Variants in HPSE2 observed in about 807,000 individuals in gnomAD.
HPSE2 encodes inactive heparanase-2.
In HPSE2, 38 loss-of-function variants were observed where a neutral mutation model predicts 60.5. That is an observed-to-expected ratio of 0.63 (90% CI 0.48 to 0.82). The LOEUF is 0.82. Ranked by LOEUF, HPSE2 falls within the 40% of genes least tolerant of loss-of-function variation. HPSE2 has a pLI of 0.00. For synonymous variants in HPSE2, 295 were observed against 293.2 expected, an observed-to-expected ratio of 1.01 and a Z score of -0.06; for missense variants, 713 against 740.4, an observed-to-expected ratio of 0.96 and a Z score of 0.43.
intron 3 of HPSE2, among the ~76,000 whole-genome samples, chr10:99,080,716 T>C (rs1253708381): frequency 1.3e-5 from 2 of 152,206 alleles, no homozygotes; most frequent in Non-Finnish European, 2.9e-5. Context: ...TCAGAAGCCA[T>C]CATTCAAGTG....
At chr10:99,113,837 A>C (rs1844569191) in intron 3 of HPSE2, among the ~76,000 whole-genome samples, 1 of 151,948 alleles carries the variant, frequency 6.6e-6, no homozygotes, top group South Asian at 2.1e-4. Context: ...GAAGTAATTT[A>C]GGTTTTTTTT....
chr10:98,729,184 T>A (rs764688547), intron 4 of HPSE2, among the ~76,000 whole-genome samples: 171 of 152,024 alleles, frequency 1.1e-3, no homozygotes, highest in South Asian at 3.7e-3. Context: ...CAATCTCAAA[T>A]AATGGAAATG....
In HPSE2 at chr10:98,492,703, G is replaced by A. The variant is rs139154138; in HGVS notation, c.1321-2507C>T. 2.8e-3 allele frequency among the ~76,000 whole-genome samples: 431 copies of A among 152,232 alleles called. 3 individuals are homozygous for A. Among genetic ancestry groups the A allele is most frequent in the Middle Eastern group, 0.01 (3 of 294 alleles). On this transcript the variant is annotated intron_variant, in intron 9 of 11. Coordinates refer to ENST00000370552, the MANE Select transcript of HPSE2 (RefSeq NM_021828.5). ...AATGCCATGTCACTCTCTAAAAAAG[G>A]AGATGAGGATACCTGGGTAAAACTC...
chr10:99,007,991 A>G (rs1422896640), intron 3 of HPSE2, among the ~76,000 whole-genome samples: 1 of 152,178 alleles, frequency 6.6e-6, no homozygotes, highest in Non-Finnish European at 1.5e-5. Flanking sequence ...AAAGAGAAGC[A>G]CTTTGGCAAT....
chr10:98,878,867 G>T (rs560889458), intron 3 of HPSE2, among the ~76,000 whole-genome samples: 3 of 151,978 alleles, frequency 2.0e-5, no homozygotes, highest in South Asian at 4.1e-4. Flanking sequence ...CCCAATAAAC[G>T]ATTATAGAGA....
chr10:98,862,879 G>T (rs1350067992), intron 3 of HPSE2, among the ~76,000 whole-genome samples: 2 of 152,138 alleles, frequency 1.3e-5, no homozygotes, highest in African/African-American at 2.4e-5. Context: ...TCCTGCCTCA[G>T]CCTCCCAAGT....
chr10:98,706,894 C>T (rs1948562371), intron 5 of HPSE2, among the ~76,000 whole-genome samples: 1 of 152,172 alleles, frequency 6.6e-6, no homozygotes, highest in South Asian at 2.1e-4. Flanking sequence ...GTATGATTAG[C>T]ACCCAACATA....
At chr10:98,998,797 A>C (rs1956707621) in intron 3 of HPSE2, among the ~76,000 whole-genome samples, 1 of 152,228 alleles carries the variant, frequency 6.6e-6, no homozygotes, top group Non-Finnish European at 1.5e-5. Flanking sequence ...AGGTCTACCC[A>C]TGCAAAAGGT....
chr10:98,838,677 C>T (rs1013536022), intron 3 of HPSE2, among the ~76,000 whole-genome samples: 5 of 152,074 alleles, frequency 3.3e-5, no homozygotes, highest in African/African-American at 4.8e-5. Context: ...AGCAATCCTC[C>T]CACTTTGGCC....
At chr10:99,214,801 A>G (rs541991233) in intron 2 of HPSE2, among the ~76,000 whole-genome samples, 1 of 152,340 alleles carries the variant, frequency 6.6e-6, no homozygotes, top group African/African-American at 2.4e-5. Context: ...ACTTCTCAAA[A>G]GAAGACATTT....
chr10:98,908,569 G>C (rs1401851563), intron 3 of HPSE2, among the ~76,000 whole-genome samples: 1 of 151,408 alleles, frequency 6.6e-6, no homozygotes, highest in African/African-American at 2.4e-5. Flanking sequence ...TGTAATCCCA[G>C]CTACTTGGGA....
At chr10:98,793,466 A>G (rs1176286874) in intron 3 of HPSE2, among the ~76,000 whole-genome samples, 1 of 152,248 alleles carries the variant, frequency 6.6e-6, no homozygotes, top group Non-Finnish European at 1.5e-5. Context: ...TTCAACGAAT[A>G]TTACTGAGCA....
intron 3 of HPSE2, among the ~76,000 whole-genome samples, chr10:99,127,347 A>C (rs1201890614): frequency 6.6e-6 from 1 of 152,206 alleles, no homozygotes; most frequent in Non-Finnish European, 1.5e-5. Context: ...AGAAATACAA[A>C]ATGCACTGGA....
the HPSE2 span, among the ~76,000 whole-genome samples, chr10:99,301,866 G>T: frequency 1.3e-5 from 2 of 151,354 alleles, no homozygotes; most frequent in African/African-American, 2.4e-5. Context: ...TAAATACAAG[G>T]CCCTTCTGCT....
At position 98,844,958 on chromosome 10, in the gene HPSE2, A is replaced by G. The variant is rs568033966; in HGVS notation, c.611-100902T>C. Among the ~76,000 whole-genome samples the G allele has an allele frequency of 5.9e-5, 9 of 152,296 alleles. No individual in the cohort carries two copies. In the South Asian group the frequency reaches 1.9e-3, roughly 32 times the overall value. ...AAATTATATCAAATCAAGAATATTT[A>G]TTTCTATTATGTGCAGAGTAAGGCA... On this transcript the variant is annotated intron_variant, in intron 3 of 11. Transcript: ENST00000370552.
At chr10:99,080,190 T>C (rs1843087183) in intron 3 of HPSE2, among the ~76,000 whole-genome samples, 1 of 152,190 alleles carries the variant, frequency 6.6e-6, no homozygotes, top group Non-Finnish European at 1.5e-5. Flanking sequence ...TCCTTCATCC[T>C]TGCTCAATAA....
intron 2 of HPSE2, among the ~76,000 whole-genome samples, chr10:99,174,767 C>G (rs140516292): frequency 3.3e-5 from 5 of 152,222 alleles, no homozygotes; most frequent in Middle Eastern, 3.4e-3. Context: ...TAAAAAGAAG[C>G]CATTAGGGTA....
At chr10:99,037,386 T>C (rs1957634029) in intron 3 of HPSE2, among the ~76,000 whole-genome samples, 1 of 152,100 alleles carries the variant, frequency 6.6e-6, no homozygotes, top group African/African-American at 2.4e-5. Context: ...CAAGATTATA[T>C]TGGGGAAGCT....
intron 3 of HPSE2, among the ~76,000 whole-genome samples, chr10:98,972,717 C>T (rs1955987250): frequency 6.6e-6 from 1 of 152,128 alleles, no homozygotes; most frequent in Non-Finnish European, 1.5e-5. Flanking sequence ...TAGCTCAAAC[C>T]ACTCCCTCAA....
Sources: allele counts gnomAD v4.1 joint callset (sites outside exome capture counted in the v4.1 genomes callset), GRCh38; gene constraint gnomAD v4.1.1; transcripts MANE v1.5; gene names NCBI Gene and HGNC (gene_info 2026-07-23, HGNC 2026-07-21).